The following FRMD4A variants were observed in gnomAD, a reference collection of about 807,000 sequenced individuals.
FRMD4A encodes FERM domain-containing protein 4A.
In FRMD4A, 29 loss-of-function variants were observed where a neutral mutation model predicts 129.1. The observed-to-expected ratio is 0.22, with a 90% CI of 0.17 to 0.31. FRMD4A has a LOEUF of 0.31. Among genes scored for constraint, FRMD4A ranks in the 10% least tolerant of loss-of-function variants. The probability of loss-of-function intolerance (pLI) is 1.00; values close to 1 mark genes in which losing one functional copy is unlikely to be tolerated. For synonymous variants in FRMD4A, 634 were observed against 571.6 expected (o/e 1.11, Z -1.56); for missense variants, 1,272 against 1,375.8 (o/e 0.92, Z 1.19).
At chr10:14,206,976 C>A (rs1477742445) in intron 2 of FRMD4A, among the ~76,000 whole-genome samples, 1 of 151,902 alleles carries the variant, frequency 6.6e-6, no homozygotes, top group African/African-American at 2.4e-5. Context: ...AATTTGTAAT[C>A]TTGGACCTAA....
intron 2 of FRMD4A, among the ~76,000 whole-genome samples, chr10:14,094,718 T>C (rs1176300747): frequency 6.6e-6 from 1 of 152,166 alleles, no homozygotes; most frequent in African/African-American, 2.4e-5. Context: ...CTCTGTTCTG[T>C]CCAGGTTCTT....
chr10:13,714,046 A>AT (rs1271355345), intron 12 of FRMD4A, among the ~76,000 whole-genome samples: 1 of 17,952 alleles, frequency 5.6e-5, no homozygotes, highest in Non-Finnish European at 1.3e-4. Context: ...ATATATATAT[A>AT]TATATATATA....
At chr10:13,924,996 G>A (rs1393401907) in intron 2 of FRMD4A, among the ~76,000 whole-genome samples, 12 of 148,622 alleles carry the variant, frequency 8.1e-5, no homozygotes, top group East Asian at 4.0e-4. Flanking sequence ...CCTGGGAGGC[G>A]GAGGTTGCAG....
chr10:13,935,543 A>C (rs936103773), intron 2 of FRMD4A, among the ~76,000 whole-genome samples: 3 of 148,922 alleles, frequency 2.0e-5, no homozygotes, highest in African/African-American at 7.4e-5. Context: ...CCAATATGTT[A>C]GGTAAAAATA....
chr10:13,833,928 T>C (rs573480401), intron 3 of FRMD4A, among the ~76,000 whole-genome samples: 15 of 151,964 alleles, frequency 9.9e-5, no homozygotes, highest in Non-Finnish European at 2.1e-4. Context: ...GAAGGAGACA[T>C]GTCCTCCTCC....
intron 2 of FRMD4A, among the ~76,000 whole-genome samples, chr10:14,040,737 A>AC (rs71287341): frequency 0.19 from 28,762 of 152,106 alleles, 3,531 homozygotes; most frequent in East Asian, 0.55. Context: ...AGACTGTCTC[A>AC]GTTTCTCCTT....
chr10:13,883,324 T>C (rs2094568593), intron 2 of FRMD4A, among the ~76,000 whole-genome samples: 1 of 151,936 alleles, frequency 6.6e-6, no homozygotes, highest in East Asian at 1.9e-4. Flanking sequence ...ACCCCGTCTC[T>C]ACTAAAAATA....
At chr10:14,195,536 C>G (rs114203208) in intron 2 of FRMD4A, among the ~76,000 whole-genome samples, 293 of 152,250 alleles carry the variant, frequency 1.9e-3, no homozygotes, top group African/African-American at 6.8e-3. Flanking sequence ...GGTTCCCATA[C>G]TTATTCCATT....
intron 2 of FRMD4A, among the ~76,000 whole-genome samples, chr10:13,875,440 T>C (rs1046585718): frequency 6.6e-6 from 1 of 152,212 alleles, no homozygotes; most frequent in Non-Finnish European, 1.5e-5. Context: ...ATAGCAGGCA[T>C]GCATATCAGA....
intron 12 of FRMD4A, chr10:13,707,929 G>T: frequency 1.0e-6 from 1 of 980,374 alleles, no homozygotes; most frequent in Non-Finnish European, 1.2e-6. Context: ...AAGTAATTAG[G>T]GCTGCATCCA....
At chr10:14,066,208 C>T (rs575279963) in intron 2 of FRMD4A, among the ~76,000 whole-genome samples, 39 of 152,052 alleles carry the variant, frequency 2.6e-4, no homozygotes, top group Non-Finnish European at 5.9e-5. Flanking sequence ...AGGAGATCCA[C>T]CTTAGTATGT....
At chr10:14,302,892 AG>A (rs1358740345) in intron 2 of FRMD4A, among the ~76,000 whole-genome samples, 1 of 152,210 alleles carries the variant, frequency 6.6e-6, no homozygotes, top group Non-Finnish European at 1.5e-5. Flanking sequence ...GGTCCAGAAA[AG>A]GGGGACTCTC....
chr10:13,815,258 TG>T (rs2093522964), intron 3 of FRMD4A, among the ~76,000 whole-genome samples: 2 of 152,138 alleles, frequency 1.3e-5, no homozygotes, highest in African/African-American at 4.8e-5. Flanking sequence ...AATCCTGACG[TG>T]GATGGAACCT....
chr10:14,175,264 C>T (rs1841675443), intron 2 of FRMD4A, among the ~76,000 whole-genome samples: 1 of 152,204 alleles, frequency 6.6e-6, no homozygotes. Flanking sequence ...AGGAAGATGC[C>T]CCTGTCCCTT....
rs368491382 is a variant in FRMD4A, at chr10:14,018,704, G to GAGAAA, written c.46-159797_46-159793dup. 2.3e-3 allele frequency among the ~76,000 whole-genome samples: 343 copies of GAGAAA among 152,206 alleles called. 2 individuals are homozygous for GAGAAA. The highest frequency in any genetic ancestry group is 7.9e-3 in the African/African-American group (328 of 41,516). On this transcript the variant is annotated intron_variant, in intron 2 of 24. Coordinates refer to ENST00000357447, the MANE Select transcript of FRMD4A (RefSeq NM_018027.5). Reference sequence around the variant, plus strand: ...ACAAGATTATTGCAATTGTCCAAATGAGAAATGATTAAGTGCAGAACTAGG... The same window carrying GAGAAA: ...ACAAGATTATTGCAATTGTCCAAATGAGAAAAGAAATGATTAAGTGCAGAACTAGG...
intron 2 of FRMD4A, among the ~76,000 whole-genome samples, chr10:14,207,154 T>A (rs1339516107): frequency 6.6e-6 from 1 of 152,120 alleles, no homozygotes; most frequent in Non-Finnish European, 1.5e-5. Flanking sequence ...TGTTCTGGAA[T>A]GTCATACAAA....
intron 3 of FRMD4A, among the ~76,000 whole-genome samples, chr10:13,842,704 T>C (rs1283036312): frequency 2.6e-5 from 4 of 152,172 alleles, no homozygotes; most frequent in Non-Finnish European, 2.9e-5. Context: ...ATAGGATAAA[T>C]GTTATGTAAA....
At chr10:13,941,963 G>A (rs1303939902) in intron 2 of FRMD4A, among the ~76,000 whole-genome samples, 1 of 152,166 alleles carries the variant, frequency 6.6e-6, no homozygotes, top group East Asian at 1.9e-4. Flanking sequence ...GTGCCCATAT[G>A]AGGGAAGCAC....
chr10:14,184,685 T>C (rs1272335879), intron 2 of FRMD4A, among the ~76,000 whole-genome samples: 1 of 152,208 alleles, frequency 6.6e-6, no homozygotes, highest in Non-Finnish European at 1.5e-5. Flanking sequence ...CTTCTGTTTC[T>C]ACCTCTCAGT....
Sources: allele counts gnomAD v4.1 joint callset (sites outside exome capture counted in the v4.1 genomes callset), GRCh38; gene constraint gnomAD v4.1.1; transcripts MANE v1.5; gene names NCBI Gene and HGNC (gene_info 2026-07-23, HGNC 2026-07-21).